The following EPS15L1 variants were observed in gnomAD, a reference collection of about 807,000 sequenced individuals.
EPS15L1 encodes epidermal growth factor receptor pathway substrate 15 like 1, also known as epidermal growth factor receptor substrate 15-like 1.
In EPS15L1, 43 loss-of-function variants were observed where a neutral mutation model predicts 117.1. The ratio of observed to expected loss-of-function variants is 0.37; its 90% CI spans 0.29 to 0.47. The LOEUF (loss-of-function observed/expected upper bound fraction) is 0.47, where lower values mean the gene tolerates loss of function less well. EPS15L1 is among the 20% of genes least tolerant of loss of function. The pLI, the probability that EPS15L1 is intolerant of heterozygous loss-of-function variation, is 0.99. For missense variants in EPS15L1, 981 were observed against 1,164.0 expected, an observed-to-expected ratio of 0.84 and a Z score of 2.29; for synonymous variants, 459 against 470.5, an observed-to-expected ratio of 0.98 and a Z score of 0.32.
intron 13 of EPS15L1, among the ~76,000 whole-genome samples, chr19:16,412,069 T>A (rs1041174947): frequency 8.5e-5 from 13 of 152,264 alleles, no homozygotes; most frequent in Admixed American, 2.6e-4. Flanking sequence ...TAAATAGTTA[T>A]CATATTGTAT....
chr19:16,403,848 T>A lies in EPS15L1; in HGVS notation c.1511A>T (p.Glu504Val), dbSNP rs2092627800. Residue 504 changes from glutamate to valine, a missense_variant, in exon 15 of 24, where the codon GAG (glutamate) becomes GTG (valine). Glu to Val is a moderately radical substitution (Grantham distance 121). Coordinates refer to ENST00000455140, the MANE Select transcript of EPS15L1 (RefSeq NM_001258374.3). ...QEDDLNRAKS[E>V]LNRLQQEETQ... is the part of the protein sequence containing the mutation. ...TTCCTCCTGCTGCAATCGGTTCAGCTCCGACTTGGCTCGGTTCAGATCGTC... is the reference window on the plus strand; with the variant it reads ...TTCCTCCTGCTGCAATCGGTTCAGCACCGACTTGGCTCGGTTCAGATCGTC... The A allele has an allele frequency of 6.2e-7, 1 of 1,614,154 alleles. No homozygotes were observed. The highest frequency in any genetic ancestry group is 1.1e-5 in the South Asian group (1 of 91,090).
intron 18 of EPS15L1, among the ~76,000 whole-genome samples, chr19:16,393,529 G>A (rs370889778): frequency 0.065 from 9,810 of 150,986 alleles, 466 homozygotes; most frequent in Middle Eastern, 0.12. Flanking sequence ...GGCGCCTGTA[G>A]TCCCAGCTAC....
Position 16,402,391 on chromosome 19 carries a change from G to T in EPS15L1, c.1721C>A (p.Ala574Asp). Residue 574 changes from alanine to aspartate, a missense_variant, in exon 16 of 24, where the codon GCC becomes GAC. Around this residue, in one of 5 missense-constraint regions of EPS15L1, gnomAD observed 819 missense variants for 949.0 expected, o/e 0.86. Transcript: ENST00000455140. ...YDQVLDGAHG[A>D]SLTDLANLSE... The stretch of plus-strand genomic sequence containing the variant: ...CAGGTTGGCCAGGTCGGTCAGGCTG[G>T]CACCATGGGCTCCATCGAGCACCTG... 1 of 1,614,122 alleles carries T rather than the reference G, an allele frequency of 6.2e-7. No individual in the cohort carries two copies. The highest frequency in any genetic ancestry group is 1.1e-5 in the South Asian group (1 of 91,082).
chr19:16,359,753 G>A (rs759955089), intron 23 of EPS15L1, among the ~76,000 whole-genome samples: 6 of 152,098 alleles, frequency 3.9e-5, no homozygotes, highest in African/African-American at 9.6e-5. Context: ...TCCCAGCTAC[G>A]TGGGAGGCTG....
chr19:16,427,860 C>A (rs1425010275), intron 8 of EPS15L1, among the ~76,000 whole-genome samples: 1 of 151,592 alleles, frequency 6.6e-6, no homozygotes, highest in African/African-American at 2.4e-5. Flanking sequence ...CACCACTGCA[C>A]TCCAGCCTGG....
chr19:16,422,019 C>T (rs751441073), intron 9 of EPS15L1, among the ~76,000 whole-genome samples: 2 of 152,172 alleles, frequency 1.3e-5, no homozygotes, highest in Non-Finnish European at 2.9e-5. Context: ...AGTACACACA[C>T]GTCACTGACA....
chr19:16,462,969 C>T (rs915605610), intron 1 of EPS15L1, among the ~76,000 whole-genome samples: 1 of 152,194 alleles, frequency 6.6e-6, no homozygotes, highest in African/African-American at 2.4e-5. Flanking sequence ...CTGACTTCCA[C>T]GAGTGTGTCA....
chr19:16,456,816 T>C (rs79141594), intron 1 of EPS15L1, among the ~76,000 whole-genome samples: 2,028 of 152,050 alleles, frequency 0.013, 42 homozygotes, highest in African/African-American at 0.046. Flanking sequence ...GGGCCAGGTG[T>C]GCACCGGGAC....
chr19:16,466,135 T>C (rs1219850270), intron 1 of EPS15L1, among the ~76,000 whole-genome samples: 1 of 151,980 alleles, frequency 6.6e-6, no homozygotes, highest in Non-Finnish European at 1.5e-5. Flanking sequence ...ACTACAGGCA[T>C]GTGCCACCAC....
Position 16,402,452 on chromosome 19 carries a change from G to A in EPS15L1, c.1660C>T (p.Arg554Cys), listed in dbSNP as rs202010883. The change falls in exon 16 of 24, where the codon CGC (arginine) becomes TGC (cysteine). Residue 554 changes from arginine to cysteine, a missense_variant. Physicochemically the swap from Arg to Cys is radical, Grantham distance 180. Transcript: ENST00000455140. ...RSKLSQLHES[R>C]QEAHRSLEQY... ...TCCAGGCTCCTGTGGGCCTCCTGGC[G>A]GCTTTCATGCAGCTGGGAAAGTTTG... is the stretch of plus-strand genomic sequence containing the variant. 9.7e-5 allele frequency: 156 copies of A among 1,609,742 alleles called. 1 individual carries two copies. The highest frequency in any genetic ancestry group is 8.9e-5 in the East Asian group (4 of 44,770).
At position 16,440,566 on chromosome 19, in the gene EPS15L1, G is replaced by A. The variant is rs955337060; in HGVS notation, c.213+296C>T. 2.9e-5 allele frequency: 6 copies of A among 205,612 alleles called. No homozygotes were observed. In the East Asian group the frequency reaches 4.2e-4, roughly 15 times the overall value. The allele number at this position is 205,612 out of a possible 1,614,324, so 12.7% of individuals were successfully genotyped here. A position where few individuals can be genotyped will look rare whatever the true frequency, so the allele number is the denominator to read the frequency against. On this transcript the variant is annotated intron_variant, in intron 4 of 23. Coordinates refer to ENST00000455140, the MANE Select transcript of EPS15L1 (RefSeq NM_001258374.3). ...TCCAAGCTATTTGTGCAACTTCCACGAGAGACTGGTCCAAAATAAAAAGTC... is the reference window on the plus strand; with the variant it reads ...TCCAAGCTATTTGTGCAACTTCCACAAGAGACTGGTCCAAAATAAAAAGTC...
chr19:16,461,543 AC>A (rs138655258), intron 1 of EPS15L1, among the ~76,000 whole-genome samples: 5,944 of 151,354 alleles, frequency 0.039, 264 homozygotes, highest in Admixed American at 0.094. Flanking sequence ...AATCACTTGA[AC>A]CCAAGAGGCA....
rs2092635067 is a variant in EPS15L1, at chr19:16,404,494, A to C, written c.1428+94T>G. On this transcript the variant is annotated intron_variant, in intron 14 of 23. Coordinates refer to ENST00000455140, the MANE Select transcript of EPS15L1 (RefSeq NM_001258374.3). The surrounding 1 kb of genome is among the most constrained non-coding windows in gnomAD (Gnocchi z 4.2). ...CTCTATTGACCCAGTAGGATGTCTA[A>C]GTGTTGTGTTCCCAGGTAACACGAG... 2.0e-5 allele frequency: 27 copies of C among 1,377,012 alleles called. No individual in the cohort carries two copies. Among genetic ancestry groups the C allele is most frequent in the Non-Finnish European group, 2.6e-5 (26 of 991,200 alleles). 85.3% of individuals were successfully genotyped at this position (1,377,012 alleles called of 1,614,324 possible).
chr19:16,382,219 G>A (rs185669339), intron 21 of EPS15L1, among the ~76,000 whole-genome samples: 4 of 152,296 alleles, frequency 2.6e-5, no homozygotes, highest in East Asian at 1.9e-4. Context: ...CACTGCCTCC[G>A]CAGTGAATCA....
At chr19:16,436,819 C>A in intron 6 of EPS15L1, 118 bp downstream of exon 6, 1 of 774,506 alleles carries the variant, frequency 1.3e-6, no homozygotes, top group Non-Finnish European at 2.1e-6. Flanking sequence ...ACACAATCAT[C>A]CTATAAAATG....
In EPS15L1 at chr19:16,381,289, C is replaced by T. The variant is rs1180027235; in HGVS notation, c.2247+3840G>A. 6.6e-6 allele frequency among the ~76,000 whole-genome samples: 1 copy of T among 152,270 alleles called. No homozygotes were observed. The highest frequency in any genetic ancestry group is 1.5e-5 in the Non-Finnish European group (1 of 68,044). On this transcript the variant is annotated intron_variant, in intron 21 of 23. Transcript: ENST00000455140. The surrounding 1 kb of genome is among the most constrained non-coding windows in gnomAD (Gnocchi z 4.2). ...GGAGGCGCAGCCTGCCCACATCACA[C>T]AGCAGGTCCACGGCGGATCCAGGGC...
At chr19:16,438,467 T>C (rs1028120433) in intron 4 of EPS15L1, among the ~76,000 whole-genome samples, 2 of 152,134 alleles carry the variant, frequency 1.3e-5, no homozygotes, top group Non-Finnish European at 2.9e-5. Flanking sequence ...ATTTAGGAAA[T>C]GTTAGGTTGT....
At chr19:16,443,150 G>C (rs1207131674) in intron 1 of EPS15L1, among the ~76,000 whole-genome samples, 1 of 152,224 alleles carries the variant, frequency 6.6e-6, no homozygotes, top group East Asian at 1.9e-4. Flanking sequence ...AGCGATAAAA[G>C]TGAAGAATGC....
intron 23 of EPS15L1, chr19:16,357,575 G>C (rs1000090623): frequency 2.6e-5 from 4 of 153,262 alleles, no homozygotes; most frequent in African/African-American, 4.8e-5. Flanking sequence ...CAGGGCTGGG[G>C]GGACTGGGCA....
Sources: gnomAD v4.1 joint callset for allele counts (sites outside exome capture counted in the v4.1 genomes callset) on GRCh38, gnomAD v4.1.1 for gene constraint, gnomAD v4.1.1 regional missense constraint, Gnocchi (gnomAD v3.1) non-coding constraint, MANE v1.5 for transcripts, NCBI Gene and HGNC (gene_info 2026-07-23, HGNC 2026-07-21) for gene names.